The following GBF1 variants were observed in gnomAD, a reference collection of about 807,000 sequenced individuals.
GBF1 encodes Golgi-specific brefeldin A-resistance guanine nucleotide exchange factor 1.
Under a neutral mutation model 210.5 loss-of-function variants are expected in GBF1, and 114 were observed. The observed-to-expected ratio is 0.54, with a 90% CI of 0.47 to 0.63. GBF1 has a LOEUF of 0.63. Among genes scored for constraint, GBF1 ranks in the 30% least tolerant of loss-of-function variants. The pLI is 0.00. For missense variants in GBF1, 1,851 were observed against 2,357.7 expected (o/e 0.79, Z 4.45); for synonymous variants, 850 against 889.2 (o/e 0.96, Z 0.78).
chr10:102,344,234 C>T (rs72845667), intron 4 of GBF1, 52 bp downstream of exon 4: 1 of 1,587,744 alleles, frequency 6.3e-7, no homozygotes, highest in Non-Finnish European at 8.6e-7. Context: ...TCCCACCTTT[C>T]CTGGGGTGCC....
chr10:102,370,292 A>AG, intron 27 of GBF1, 47 bp downstream of exon 27: 1 of 1,478,206 alleles, frequency 6.8e-7, no homozygotes, highest in East Asian at 2.3e-5. Flanking sequence ...TGAATCTGGG[A>AG]GGGGTGACAG....
chr10:102,363,389 C>T lies in GBF1; in HGVS notation c.2010C>T (p.Asp670=). ...GCAGTGATCTGGAGGAAGCTGTTGA[C>T]TCTGGGGGTGGGTACTGGGTGTCCA... ...SGCSDLEEAV[D]SGADKKFARK... is the part of the protein sequence containing the mutation. Residue 670 remains aspartate, a synonymous_variant, in exon 16 of 40, where the codon GAC becomes GAT. Coordinates refer to ENST00000369983, the MANE Select transcript of GBF1 (RefSeq NM_001377137.1). This position sits in a 1 kb window ranked among gnomAD's most constrained non-coding sequence, Gnocchi z 4.2. 6.2e-7 allele frequency: 1 copy of T among 1,613,342 alleles called. No homozygotes were observed. Among genetic ancestry groups the T allele is most frequent in the South Asian group, 1.1e-5 (1 of 90,934 alleles).
intron 3 of GBF1, among the ~76,000 whole-genome samples, chr10:102,328,436 G>A (rs1227423843): frequency 6.6e-6 from 1 of 152,142 alleles, no homozygotes; most frequent in Non-Finnish European, 1.5e-5. Context: ...GCAGTGAGCC[G>A]AGACTGTGCC....
intron 12 of GBF1, among the ~76,000 whole-genome samples, chr10:102,360,765 C>T (rs11191269): frequency 1.3e-5 from 2 of 152,056 alleles, no homozygotes; most frequent in Non-Finnish European, 2.9e-5. Flanking sequence ...ATCACGAGGT[C>T]AGGAGATTGA....
chr10:102,371,989 G>A (rs888665605), intron 29 of GBF1, among the ~76,000 whole-genome samples: 11 of 151,532 alleles, frequency 7.3e-5, no homozygotes, highest in African/African-American at 2.2e-4. Flanking sequence ...GGGCTGAGGC[G>A]GGTGGATCAC....
rs1404882010 is a variant in GBF1 at position 102,353,706 on chromosome 10, A to G, written c.639+52A>G. ...CCCTCATCCAAACCTTAATCTCCCAACTTCAGTGCCTTGGGGTAACCTTGC... is the reference window on the plus strand; with the variant it reads ...CCCTCATCCAAACCTTAATCTCCCAGCTTCAGTGCCTTGGGGTAACCTTGC... On this transcript the variant is annotated intron_variant, in intron 8 of 39. Transcript: ENST00000369983. 4 of 1,309,608 alleles carry G rather than the reference A, an allele frequency of 3.1e-6. No individual in the cohort carries two copies. In the African/African-American group the frequency reaches 4.4e-5, roughly 14 times the overall value. The allele number at this position is 1,309,608 out of a possible 1,614,324, so 81.1% of individuals were successfully genotyped here.
intron 3 of GBF1, among the ~76,000 whole-genome samples, chr10:102,312,832 T>C (rs554340049): frequency 6.6e-6 from 1 of 152,312 alleles, no homozygotes; most frequent in African/African-American, 2.4e-5. Context: ...TGTGGTCTGT[T>C]GCTTTCTCTG....
Position 102,258,976 on chromosome 10 carries a change from T to C in GBF1, c.38T>C (p.Ile13Thr). Residue 13 changes from isoleucine to threonine, a missense_variant, in exon 2 of 40, where the codon ATT (isoleucine) becomes ACT (threonine). Physicochemically the swap from Ile to Thr is moderately conservative, Grantham distance 89 (BLOSUM62 -1). Transcript: ENST00000369983. ...DKNIYIIQGE[I>T]NIVVGAIKRN... ...AATATTTACATCATTCAAGGGGAGA[T>C]TAACATTGTGGTTGGGGCCATCAAA... 6.2e-7 allele frequency: 1 copy of C among 1,608,226 alleles called. No individual in the cohort carries two copies. The highest frequency in any genetic ancestry group is 8.5e-7 in the Non-Finnish European group (1 of 1,174,694).
chr10:102,301,333 G>T (rs2077327954), intron 3 of GBF1, among the ~76,000 whole-genome samples: 1 of 152,214 alleles, frequency 6.6e-6, no homozygotes, highest in South Asian at 2.1e-4. Context: ...CAAGGCAGAA[G>T]AATTTTTCTT....
At chr10:102,339,870 T>A (rs1030736651) in intron 3 of GBF1, among the ~76,000 whole-genome samples, 2 of 151,808 alleles carry the variant, frequency 1.3e-5, no homozygotes, top group Non-Finnish European at 2.9e-5. Context: ...CACTGCAGCC[T>A]CAGCCTCCCA....
intron 3 of GBF1, among the ~76,000 whole-genome samples, chr10:102,274,750 C>T (rs1030092318): frequency 3.3e-5 from 4 of 120,830 alleles, no homozygotes; most frequent in East Asian, 4.8e-4. Flanking sequence ...CTCACTCTGT[C>T]GCCCAGGCTG....
At chr10:102,282,769 G>A (rs1227170791) in intron 3 of GBF1, among the ~76,000 whole-genome samples, 1 of 152,168 alleles carries the variant, frequency 6.6e-6, no homozygotes, top group East Asian at 1.9e-4. Flanking sequence ...AGCACGTGTG[G>A]TGTTAACTAT....
chr10:102,368,521 G>T, intron 22 of GBF1, 67 bp downstream of exon 22: 4 of 991,720 alleles, frequency 4.0e-6, no homozygotes, highest in Non-Finnish European at 6.4e-6. Flanking sequence ...TTTTCTCCAT[G>T]CCTCTCTGAC....
chr10:102,368,241 A>T lies in GBF1; in HGVS notation c.2666A>T (p.Glu889Val). 6.2e-7 allele frequency: 1 copy of T among 1,613,078 alleles called. No homozygotes were observed. Among genetic ancestry groups the T allele is most frequent in the Non-Finnish European group, 8.5e-7 (1 of 1,179,054 alleles). The stretch of plus-strand genomic sequence containing the variant: ...AGGAATGAGGAAATTGTAATGCCTG[A>T]GGAGCAGACAGGCTTGGTTCGGGAG... The part of the protein sequence containing the change: ...AIKNEEIVMP[E>V]EQTGLVRENY... The change falls in exon 22 of 40, where the codon GAG becomes GTG. Residue 889 changes from glutamate to valine, a missense_variant. Transcript: ENST00000369983.
Position 102,363,047 on chromosome 10 carries a change from A to C in GBF1, c.1877-209A>C, listed in dbSNP as rs897542989. On this transcript the variant is annotated intron_variant, in intron 15 of 39. Transcript: ENST00000369983. The surrounding 1 kb of genome is among the most constrained non-coding windows in gnomAD (Gnocchi z 4.2). Reference sequence around the variant, plus strand: ...TTTGAGGTTGCAGAAGATCAGGGAAAGTGACTGGGTAATCTCTTCATTAAA... The same window carrying C: ...TTTGAGGTTGCAGAAGATCAGGGAACGTGACTGGGTAATCTCTTCATTAAA... Among the ~76,000 whole-genome samples the C allele has an allele frequency of 3.9e-5, 6 of 152,160 alleles. No individual in the cohort carries two copies. Among genetic ancestry groups the C allele is most frequent in the Non-Finnish European group, 8.8e-5 (6 of 68,030 alleles).
chr10:102,296,238 T>C (rs2076894723), intron 3 of GBF1, among the ~76,000 whole-genome samples: 1 of 152,192 alleles, frequency 6.6e-6, no homozygotes, highest in African/African-American at 2.4e-5. Flanking sequence ...TGCTGCTGCT[T>C]ATGAAAAAAA....
intron 3 of GBF1, among the ~76,000 whole-genome samples, chr10:102,318,832 A>G (rs1029222650): frequency 2.6e-5 from 4 of 152,218 alleles, no homozygotes; most frequent in Non-Finnish European, 5.9e-5. Flanking sequence ...TAGATATAGC[A>G]CATTTGCAAT....
chr10:102,231,871 G>T, the GBF1 span: 5 of 1,563,274 alleles, frequency 3.2e-6, no homozygotes, highest in Admixed American at 3.3e-5. Flanking sequence ...TAAGCCACTC[G>T]CTGGCTCCCA....
intron 13 of GBF1, 39 bp downstream of exon 13, chr10:102,361,159 A>G: frequency 2.9e-6 from 3 of 1,036,106 alleles, no homozygotes; most frequent in Non-Finnish European, 4.6e-6. Context: ...GGGAAAAAAA[A>G]TAGGGAGATA....
Sources: allele counts gnomAD v4.1 joint callset (sites outside exome capture counted in the v4.1 genomes callset), GRCh38; gene constraint gnomAD v4.1.1; non-coding constraint Gnocchi (gnomAD v3.1); transcripts MANE v1.5; gene names NCBI Gene and HGNC (gene_info 2026-07-23, HGNC 2026-07-21).